BCL2: variants seen among roughly 807,000 people sequenced by gnomAD.
BCL2 encodes BCL2 apoptosis regulator, also known as apoptosis regulator Bcl-2.
BCL2 carries 1 observed loss-of-function variant against 14.2 expected under a neutral mutation model. That is an observed-to-expected ratio of 0.07 (90% confidence interval 0.02 to 0.33). BCL2 has a LOEUF of 0.33. BCL2 is among the 10% of genes least tolerant of loss of function. BCL2 has a pLI of 0.99. For synonymous variants in BCL2, 151 were observed against 137.2 expected (o/e 1.10, Z -0.70); for missense variants, 247 against 305.9 (o/e 0.81, Z 1.44).
intron 2 of BCL2, among the ~76,000 whole-genome samples, chr18:63,210,752 G>GT (rs1909976766): frequency 2.0e-5 from 3 of 152,182 alleles, no homozygotes; most frequent in African/African-American, 7.2e-5. Context: ...CCATTCATAG[G>GT]TTTTTTAAAG....
At chr18:63,257,886 T>A (rs1911528036) in intron 2 of BCL2, among the ~76,000 whole-genome samples, 3 of 76,316 alleles carry the variant, frequency 3.9e-5, no homozygotes, top group African/African-American at 1.2e-4. Context: ...GAAACCCCAT[T>A]GACTATAAAA....
chr18:63,158,833 ATAAGT>A (rs1914847515), intron 2 of BCL2, among the ~76,000 whole-genome samples: 2 of 152,222 alleles, frequency 1.3e-5, no homozygotes, highest in African/African-American at 4.8e-5. Flanking sequence ...AAGATGCTAG[ATAAGT>A]TAATTTTTAA....
chr18:63,218,410 C>T (rs1910266991), intron 2 of BCL2, among the ~76,000 whole-genome samples: 1 of 152,074 alleles, frequency 6.6e-6, no homozygotes, highest in Non-Finnish European at 1.5e-5. Context: ...GGAAAAGCTC[C>T]TTCTTCCCTT....
At chr18:63,178,210 A>G (rs1201557965) in intron 2 of BCL2, among the ~76,000 whole-genome samples, 1 of 152,182 alleles carries the variant, frequency 6.6e-6, no homozygotes, top group African/African-American at 2.4e-5. Flanking sequence ...GGATTTTGCC[A>G]ATTCCCAACC....
intron 2 of BCL2, among the ~76,000 whole-genome samples, chr18:63,297,205 T>C (rs1205926986): frequency 6.6e-6 from 1 of 151,376 alleles, no homozygotes; most frequent in African/African-American, 2.4e-5. Context: ...ACAGCGAAAC[T>C]CTGTCTCAAA....
chr18:63,245,837 T>C (rs1041957401), intron 2 of BCL2, among the ~76,000 whole-genome samples: 2 of 152,204 alleles, frequency 1.3e-5, no homozygotes, highest in African/African-American at 2.4e-5. Flanking sequence ...CTTTTTAAAG[T>C]TCTATGAGAA....
rs796601402 is a variant in BCL2, at chr18:63,251,696, G to GT, written c.585+66385dup. Reference sequence around the variant, plus strand: ...AAAAGAGTGACTGACACTAAGGAAGGTTTTTTTTTCTTTTTTTTTTTGACG... The same window carrying GT: ...AAAAGAGTGACTGACACTAAGGAAGGTTTTTTTTTTCTTTTTTTTTTTGACG... On this transcript the variant is annotated intron_variant, in intron 2 of 2. Transcript: ENST00000333681. Among the ~76,000 whole-genome samples the GT allele has an allele frequency of 7.3e-3, 1,066 of 146,720 alleles. 16 individuals carry two copies. The highest frequency in any genetic ancestry group is 0.024 in the African/African-American group (948 of 39,610).
intron 2 of BCL2, among the ~76,000 whole-genome samples, chr18:63,279,092 T>C (rs569569273): frequency 5.3e-5 from 8 of 152,348 alleles, no homozygotes; most frequent in African/African-American, 1.9e-4. Context: ...GATACAACTT[T>C]TAGAAGTTAA....
chr18:63,188,629 A>G (rs1915648523), intron 2 of BCL2, among the ~76,000 whole-genome samples: 1 of 152,204 alleles, frequency 6.6e-6, no homozygotes, highest in Non-Finnish European at 1.5e-5. Context: ...GAATAATTTA[A>G]TTATACTCAT....
At chr18:63,181,365 A>G (rs1347237117) in intron 2 of BCL2, among the ~76,000 whole-genome samples, 1 of 152,178 alleles carries the variant, frequency 6.6e-6, no homozygotes, top group African/African-American at 2.4e-5. Flanking sequence ...AAGCCCTGGA[A>G]GGCAGTAAAG....
In BCL2 at chr18:63,162,782, C is replaced by T. The variant is rs531084535; in HGVS notation, c.586-34023G>A. Among the ~76,000 whole-genome samples, 3 of 152,244 alleles carry T rather than the reference C, an allele frequency of 2.0e-5. No homozygotes were observed. In the South Asian group the frequency reaches 6.2e-4, roughly 32 times the overall value. ...CTTCATTTCCATGCCTTCACCCTCC[C>T]AAACCCCCAAACTCTGCCCTCCTTC... On this transcript the variant is annotated intron_variant, in intron 2 of 2. Coordinates refer to ENST00000333681, the MANE Select transcript of BCL2 (RefSeq NM_000633.3).
chr18:63,154,780 A>G lies in BCL2; in HGVS notation c.586-26021T>C, dbSNP rs192111788. Among the ~76,000 whole-genome samples, 388 of 152,114 alleles carry G rather than the reference A, an allele frequency of 2.6e-3. 3 individuals are homozygous for G. The highest frequency in any genetic ancestry group is 0.01 in the Middle Eastern group (3 of 294). On this transcript the variant is annotated intron_variant, in intron 2 of 2. Coordinates refer to ENST00000333681, the MANE Select transcript of BCL2 (RefSeq NM_000633.3). ...TCTCCTCCTTGGGGGCACTGGCTAC[A>G]TTTTCTTCATCTTGGTTTTCCCAGG...
At chr18:63,196,207 C>A (rs1008494392) in intron 2 of BCL2, among the ~76,000 whole-genome samples, 1 of 152,062 alleles carries the variant, frequency 6.6e-6, no homozygotes, top group Admixed American at 6.5e-5. Flanking sequence ...TTCAATGAAC[C>A]ACAAAGAATC....
intron 2 of BCL2, among the ~76,000 whole-genome samples, chr18:63,160,666 G>A (rs930465683): frequency 3.9e-5 from 6 of 152,098 alleles, no homozygotes; most frequent in African/African-American, 1.2e-4. Context: ...GCACATTCAG[G>A]ATGAGGGAAA....
At chr18:63,285,410 G>C (rs1055876246) in intron 2 of BCL2, among the ~76,000 whole-genome samples, 7 of 152,168 alleles carry the variant, frequency 4.6e-5, no homozygotes, top group African/African-American at 1.7e-4. Flanking sequence ...CTGAGTTCTG[G>C]GAACGGAAGG....
chr18:63,262,109 G>A (rs1911678173), intron 2 of BCL2, among the ~76,000 whole-genome samples: 1 of 152,070 alleles, frequency 6.6e-6, no homozygotes, highest in South Asian at 2.1e-4. Flanking sequence ...TATAGGTGGG[G>A]TTTCACCATG....
chr18:63,300,599 A>G (rs899391170), intron 2 of BCL2, among the ~76,000 whole-genome samples: 1 of 152,162 alleles, frequency 6.6e-6, no homozygotes, highest in African/African-American at 2.4e-5. Flanking sequence ...CTTTTAAAAA[A>G]TTTTAACCAT....
chr18:63,252,728 T>C (rs965743508), intron 2 of BCL2, among the ~76,000 whole-genome samples: 13 of 152,218 alleles, frequency 8.5e-5, no homozygotes, highest in African/African-American at 2.9e-4. Context: ...CACGTGGAAC[T>C]GTATGTCCAA....
chr18:63,160,323 A>G (rs1288660480), intron 2 of BCL2, among the ~76,000 whole-genome samples: 1 of 152,234 alleles, frequency 6.6e-6, no homozygotes, highest in African/African-American at 2.4e-5. Context: ...CTTTTTAGCG[A>G]CAGGCACGTG....
Sources: allele counts gnomAD v4.1 joint callset (sites outside exome capture counted in the v4.1 genomes callset), GRCh38; gene constraint gnomAD v4.1.1; transcripts MANE v1.5; gene names NCBI Gene and HGNC (gene_info 2026-07-23, HGNC 2026-07-21).